Variants in LRRC4C observed in about 807,000 individuals in gnomAD.
LRRC4C encodes the protein leucine rich repeat containing 4C, also known as leucine-rich repeat-containing protein 4C.
A neutral mutation model predicts 33.6 loss-of-function variants in LRRC4C; 5 were observed. The observed-to-expected ratio is 0.15, with a 90% confidence interval of 0.08 to 0.31. The LOEUF (loss-of-function observed/expected upper bound fraction) is 0.31, where lower values mean the gene tolerates loss of function less well. Among genes scored for constraint, LRRC4C ranks in the 10% least tolerant of loss-of-function variants. The probability of loss-of-function intolerance (pLI) is 1.00; values close to 1 mark genes in which losing one functional copy is unlikely to be tolerated. For synonymous variants in LRRC4C, 329 were observed against 302.0 expected, an observed-to-expected ratio of 1.09 and a Z score of -0.93; for missense variants, 560 against 796.7, an observed-to-expected ratio of 0.70 and a Z score of 3.58.
At chr11:40,815,266 C>G (rs899878169) in intron 2 of LRRC4C, among the ~76,000 whole-genome samples, 5 of 152,088 alleles carry the variant, frequency 3.3e-5, no homozygotes, top group Non-Finnish European at 5.9e-5. Context: ...ACAAAACCAT[C>G]AGATTTTGTG....
At chr11:40,340,001 C>T (rs919452240) in intron 3 of LRRC4C, among the ~76,000 whole-genome samples, 1 of 152,164 alleles carries the variant, frequency 6.6e-6, no homozygotes, top group African/African-American at 2.4e-5. Flanking sequence ...TGATTTTTAT[C>T]ATTCTTCCTT....
At chr11:41,120,508 G>A (rs1439074421) in intron 1 of LRRC4C, among the ~76,000 whole-genome samples, 2 of 152,140 alleles carry the variant, frequency 1.3e-5, no homozygotes, top group South Asian at 2.1e-4. Flanking sequence ...GAGGATTGGA[G>A]GTTGGGGAGA....
intron 1 of LRRC4C, among the ~76,000 whole-genome samples, chr11:41,081,502 C>T (rs1245151576): frequency 2.0e-5 from 3 of 152,066 alleles, no homozygotes; most frequent in African/African-American, 7.2e-5. Context: ...GGAGTCATTT[C>T]TGCCTGCTAA....
At chr11:41,059,558 T>C (rs1858912587) in intron 1 of LRRC4C, among the ~76,000 whole-genome samples, 1 of 152,174 alleles carries the variant, frequency 6.6e-6, no homozygotes, top group African/African-American at 2.4e-5. Flanking sequence ...TTCTTCTTTT[T>C]ATTTTGTTAT....
At chr11:40,927,385 TA>T (rs1555005007) in intron 2 of LRRC4C, among the ~76,000 whole-genome samples, 1 of 149,468 alleles carries the variant, frequency 6.7e-6, no homozygotes, top group South Asian at 2.1e-4. Context: ...ATAAAAAAAT[TA>T]AAAAAAGGAA....
At chr11:41,305,011 T>G (rs1191304260) in intron 1 of LRRC4C, among the ~76,000 whole-genome samples, 2 of 63,928 alleles carry the variant, frequency 3.1e-5, no homozygotes, top group African/African-American at 1.2e-4. Context: ...GAGGAGCCCC[T>G]CTGCCCGGCC....
At chr11:40,629,726 T>C (rs139274695) in intron 3 of LRRC4C, among the ~76,000 whole-genome samples, 45 of 152,298 alleles carry the variant, frequency 3.0e-4, no homozygotes, top group African/African-American at 1.0e-3. Flanking sequence ...ACCTTACTGA[T>C]TTATTCTCTG....
At position 40,418,721 on chromosome 11, in the gene LRRC4C, CA is replaced by C. The variant is rs2137716326; in HGVS notation, c.-269-99001del. Reference sequence around the variant, plus strand: ...GCACGGAATGAACCCAAATGCCCATCAATGATAGACTGGATAAAGAAAATGG... The same window carrying C: ...GCACGGAATGAACCCAAATGCCCATCATGATAGACTGGATAAAGAAAATGG... On this transcript the variant is annotated intron_variant, in intron 3 of 6. Coordinates refer to ENST00000528697, the MANE Select transcript of LRRC4C (RefSeq NM_001258419.2). 1.3e-5 allele frequency among the ~76,000 whole-genome samples: 2 copies of C among 152,240 alleles called. 1 individual carries two copies. Among genetic ancestry groups the C allele is most frequent in the South Asian group, 4.1e-4 (2 of 4,828 alleles).
At chr11:40,200,180 TAAAAAAAAAAAAAAAAAAAA>T (rs56269292) in intron 5 of LRRC4C, among the ~76,000 whole-genome samples, 19 of 26,030 alleles carry the variant, frequency 7.3e-4, no homozygotes, top group Admixed American at 2.9e-3. Context: ...CTGTCTCCAC[TAAAAAAAAAAAAAAAAAAAA>T]AAAAAAAAAA....
chr11:40,781,139 A>T (rs1950195703), intron 2 of LRRC4C, among the ~76,000 whole-genome samples: 1 of 152,138 alleles, frequency 6.6e-6, no homozygotes, highest in Admixed American at 6.5e-5. Context: ...TACTGTGCTG[A>T]ATATGGCAGG....
chr11:40,427,074 A>T (rs551720305), intron 3 of LRRC4C, among the ~76,000 whole-genome samples: 1 of 152,330 alleles, frequency 6.6e-6, no homozygotes, highest in South Asian at 2.1e-4. Context: ...TGTATCACAA[A>T]GTGGATATAC....
chr11:41,398,533 A>G (rs1454674958), intron 1 of LRRC4C, among the ~76,000 whole-genome samples: 1 of 151,900 alleles, frequency 6.6e-6, no homozygotes. Flanking sequence ...AGAAATGCAA[A>G]CAGGAATGGT....
intron 1 of LRRC4C, among the ~76,000 whole-genome samples, chr11:41,147,191 G>C (rs891912245): frequency 1.9e-4 from 29 of 152,214 alleles, no homozygotes; most frequent in African/African-American, 6.7e-4. Context: ...CTTCTGAGTT[G>C]AGTGTTAACT....
At chr11:40,586,289 T>C (rs1420187241) in intron 3 of LRRC4C, among the ~76,000 whole-genome samples, 1 of 151,306 alleles carries the variant, frequency 6.6e-6, no homozygotes, top group Non-Finnish European at 1.5e-5. Flanking sequence ...GAAGCGTCTG[T>C]TCATGTCCTT....
chr11:40,411,226 G>A (rs1168038479), intron 3 of LRRC4C, among the ~76,000 whole-genome samples: 1 of 152,048 alleles, frequency 6.6e-6, no homozygotes, highest in Non-Finnish European at 1.5e-5. Flanking sequence ...ATAACAAAAT[G>A]TGTGGCAAAA....
At chr11:41,116,784 GTTA>G (rs1942154737) in intron 1 of LRRC4C, among the ~76,000 whole-genome samples, 1 of 152,162 alleles carries the variant, frequency 6.6e-6, no homozygotes, top group Admixed American at 6.5e-5. Context: ...TTTTGATTAA[GTTA>G]TTGACATTAT....
intron 5 of LRRC4C, among the ~76,000 whole-genome samples, chr11:40,229,240 C>G (rs909436571): frequency 9.2e-5 from 14 of 152,000 alleles, no homozygotes; most frequent in African/African-American, 3.1e-4. Context: ...ATTTTAAAGT[C>G]ATTTAAACTT....
At chr11:40,644,998 A>G (rs932373173) in intron 3 of LRRC4C, among the ~76,000 whole-genome samples, 1 of 152,306 alleles carries the variant, frequency 6.6e-6, no homozygotes, top group Admixed American at 6.5e-5. Flanking sequence ...AAAACTAAAA[A>G]GTTGAATTAA....
chr11:40,325,154 T>C (rs1407938277), intron 3 of LRRC4C, among the ~76,000 whole-genome samples: 2 of 152,196 alleles, frequency 1.3e-5, no homozygotes, highest in Non-Finnish European at 2.9e-5. Context: ...GAGCCAGACA[T>C]GTGAAAAGCC....
Sources: gnomAD v4.1 joint callset for allele counts (sites outside exome capture counted in the v4.1 genomes callset) on GRCh38, gnomAD v4.1.1 for gene constraint, MANE v1.5 for transcripts, NCBI Gene and HGNC (gene_info 2026-07-23, HGNC 2026-07-21) for gene names.